Variants in ST6GALNAC5 observed in about 807,000 individuals in gnomAD.
ST6GALNAC5 encodes ST6 N-acetylgalactosaminide alpha-2,6-sialyltransferase 5, also known as alpha-N-acetylgalactosaminide alpha-2,6-sialyltransferase 5.
A neutral mutation model predicts 33.6 loss-of-function variants in ST6GALNAC5; 27 were observed. The observed-to-expected ratio is 0.80, with a 90% CI of 0.59 to 1.11. The LOEUF is 1.11. ST6GALNAC5 is among the 50% of genes least tolerant of loss of function. ST6GALNAC5 has a pLI of 0.00. For synonymous variants in ST6GALNAC5, 194 were observed against 171.2 expected, an observed-to-expected ratio of 1.13 and a Z score of -1.04; for missense variants, 428 against 454.0, an observed-to-expected ratio of 0.94 and a Z score of 0.52.
chr1:77,044,682 A>C, intron 3 of ST6GALNAC5, 69 bp downstream of exon 3: 1 of 1,500,630 alleles, frequency 6.7e-7, no homozygotes, highest in South Asian at 1.4e-5. Flanking sequence ...ACTCACCCAA[A>C]GCAAAGCTTT....
intron 2 of ST6GALNAC5, among the ~76,000 whole-genome samples, chr1:76,939,048 G>T (rs975159127): frequency 3.9e-5 from 6 of 151,960 alleles, no homozygotes; most frequent in African/African-American, 1.4e-4. Context: ...GGCATTCTTT[G>T]CACTCTAGTG....
intron 2 of ST6GALNAC5, among the ~76,000 whole-genome samples, chr1:76,901,132 T>A (rs1646813919): frequency 6.6e-6 from 1 of 152,228 alleles, no homozygotes; most frequent in Non-Finnish European, 1.5e-5. Flanking sequence ...CATCCTCCTC[T>A]GATGAAAACA....
At chr1:76,890,922 G>T (rs977395813) in intron 2 of ST6GALNAC5, among the ~76,000 whole-genome samples, 1 of 152,078 alleles carries the variant, frequency 6.6e-6, no homozygotes, top group South Asian at 2.1e-4. Context: ...ATATTGAGAG[G>T]TTGGCAGCAA....
At chr1:76,983,465 T>C (rs561845730) in intron 2 of ST6GALNAC5, among the ~76,000 whole-genome samples, 10 of 152,308 alleles carry the variant, frequency 6.6e-5, no homozygotes, top group Middle Eastern at 3.4e-3. Flanking sequence ...AAGAGCTAAC[T>C]ATCCTAAATA....
intron 3 of ST6GALNAC5, among the ~76,000 whole-genome samples, chr1:77,046,393 A>G (rs1652010086): frequency 6.6e-6 from 1 of 152,246 alleles, no homozygotes; most frequent in African/African-American, 2.4e-5. Context: ...TTTGTGTGGA[A>G]GAGCTAGATA....
intron 2 of ST6GALNAC5, among the ~76,000 whole-genome samples, chr1:76,931,975 C>T (rs1022703588): frequency 2.3e-4 from 35 of 151,654 alleles, no homozygotes; most frequent in Admixed American, 1.6e-3. Flanking sequence ...GAAGAGAATA[C>T]GAAAAAGGAG....
intron 2 of ST6GALNAC5, among the ~76,000 whole-genome samples, chr1:76,871,572 G>C (rs1653503718): frequency 6.6e-6 from 1 of 151,984 alleles, no homozygotes; most frequent in South Asian, 2.1e-4. Context: ...TGTCTGCAAT[G>C]ATGGTCTTGT....
intron 2 of ST6GALNAC5, among the ~76,000 whole-genome samples, chr1:76,928,566 A>G (rs889829341): frequency 1.3e-5 from 2 of 152,078 alleles, no homozygotes; most frequent in African/African-American, 4.8e-5. Context: ...TTTCCATGCC[A>G]TTTCATTTAC....
At chr1:76,944,361 G>C (rs1399797730) in intron 2 of ST6GALNAC5, among the ~76,000 whole-genome samples, 2 of 152,072 alleles carry the variant, frequency 1.3e-5, no homozygotes, top group Non-Finnish European at 2.9e-5. Flanking sequence ...AAAAGAGAAA[G>C]TTCTGTTTGT....
At chr1:76,903,521 TCTACTC>T (rs1646837247) in intron 2 of ST6GALNAC5, among the ~76,000 whole-genome samples, 1 of 152,324 alleles carries the variant, frequency 6.6e-6, no homozygotes, top group Non-Finnish European at 1.5e-5. Flanking sequence ...TCCCAGCAGT[TCTACTC>T]CTAGGTATAT....
At chr1:76,882,679 C>T (rs1570635742) in intron 2 of ST6GALNAC5, among the ~76,000 whole-genome samples, 1 of 152,170 alleles carries the variant, frequency 6.6e-6, no homozygotes, top group African/African-American at 2.4e-5. Flanking sequence ...AATAAGAAAG[C>T]ATATTCTGGA....
At chr1:76,924,159 A>G (rs1282237117) in intron 2 of ST6GALNAC5, among the ~76,000 whole-genome samples, 1 of 152,038 alleles carries the variant, frequency 6.6e-6, no homozygotes. Context: ...AAGAAGTAAT[A>G]TTTCTATCTA....
chr1:76,901,497 G>A (rs930774820), intron 2 of ST6GALNAC5, among the ~76,000 whole-genome samples: 1 of 152,302 alleles, frequency 6.6e-6, no homozygotes, highest in Admixed American at 6.5e-5. Context: ...TCATTTTAGT[G>A]CTTTTATTAC....
At chr1:76,925,797 G>A (rs1470016056) in intron 2 of ST6GALNAC5, among the ~76,000 whole-genome samples, 1 of 152,122 alleles carries the variant, frequency 6.6e-6, no homozygotes, top group South Asian at 2.1e-4. Flanking sequence ...CAAAGACTCT[G>A]TTTTGCATTT....
intron 2 of ST6GALNAC5, among the ~76,000 whole-genome samples, chr1:77,019,259 A>G (rs558351520): frequency 6.6e-6 from 1 of 152,270 alleles, no homozygotes; most frequent in South Asian, 2.1e-4. Context: ...AATATATGAA[A>G]CAAAAAGGAG....
intron 2 of ST6GALNAC5, among the ~76,000 whole-genome samples, chr1:76,917,426 A>T (rs888309412): frequency 6.6e-6 from 1 of 152,244 alleles, no homozygotes; most frequent in East Asian, 1.9e-4. Flanking sequence ...TCTATTATTG[A>T]TCTACGATAA....
At chr1:77,005,462 C>T (rs1162163123) in intron 2 of ST6GALNAC5, among the ~76,000 whole-genome samples, 6 of 152,200 alleles carry the variant, frequency 3.9e-5, no homozygotes, top group Admixed American at 1.3e-4. Context: ...GCGTCGCTCA[C>T]GCTGGGAGCT....
chr1:76,963,340 C>T (rs1180645889), intron 2 of ST6GALNAC5, among the ~76,000 whole-genome samples: 2 of 152,192 alleles, frequency 1.3e-5, no homozygotes, highest in Non-Finnish European at 2.9e-5. Context: ...AATAGGATTG[C>T]TGTGCAGTTA....
chr1:76,879,843 A>T (rs1653736297), intron 2 of ST6GALNAC5, among the ~76,000 whole-genome samples: 1 of 151,740 alleles, frequency 6.6e-6, no homozygotes. Context: ...CACACATCCC[A>T]TTCCAAGTTG....
Sources: allele counts gnomAD v4.1 joint callset (sites outside exome capture counted in the v4.1 genomes callset), GRCh38; gene constraint gnomAD v4.1.1; transcripts MANE v1.5; gene names NCBI Gene and HGNC (gene_info 2026-07-23, HGNC 2026-07-21).